The following MORC4 variants were observed in gnomAD, a reference collection of about 807,000 sequenced individuals.
MORC4 encodes the protein MORC family CW-type zinc finger 4.
Under a neutral mutation model 65.5 loss-of-function variants are expected in MORC4, and 22 were observed. The observed-to-expected ratio is 0.34, with a 90% CI of 0.24 to 0.48. MORC4 has a LOEUF of 0.48. Ranked by LOEUF, MORC4 falls within the 20% of genes least tolerant of loss-of-function variation. The probability of loss-of-function intolerance (pLI) is 0.99; values close to 1 mark genes in which losing one functional copy is unlikely to be tolerated. For synonymous variants in MORC4, 267 were observed against 255.8 expected (o/e 1.04, Z -0.42); for missense variants, 624 against 703.0 (o/e 0.89, Z 1.27).
At chrX:106,967,366 G>A (rs912951969) in intron 9 of MORC4, among the ~76,000 whole-genome samples, 3 of 112,182 alleles carry the variant, frequency 2.7e-5, no homozygotes, top group Non-Finnish European at 5.6e-5. Context: ...GGAGAAACCA[G>A]AGCAGAAAGG....
At position 106,942,151 on chromosome X, in the gene MORC4, A is replaced by T. The variant is rs1222056988; in HGVS notation, c.2447T>A (p.Ile816Asn). The stretch of plus-strand genomic sequence containing the variant: ...GCCTTCCGCCTCCTGGGTACTGTAG[A>T]TCACCAATTCATGTTGGACTTTCTT... ...EFKKVQHELV[I>N]YSTQEAEGLY... The change falls in exon 16 of 17, where the codon ATC becomes AAC. Residue 816 changes from isoleucine (I) to asparagine (N), a missense_variant. Physicochemically the swap from Ile to Asn is moderately radical, Grantham distance 149 (BLOSUM62 -3). Transcript: ENST00000355610. 1 of 1,211,093 alleles carries T rather than the reference A, an allele frequency of 8.3e-7. No individual in the cohort carries two copies.
chrX:106,993,307 C>T lies in MORC4; in HGVS notation c.231G>A (p.Glu77=), dbSNP rs1318004787. Reference sequence around the variant, plus strand: ...AGGTCAAACAAGATTTATTCTTGACCTCCTCAACATCTATAAAGACCGTCC... The same window carrying T: ...AGGTCAAACAAGATTTATTCTTGACTTCCTCAACATCTATAAAGACCGTCC... ...SARTVFIDVE[E]VKNKSCLTFT... The change falls in exon 3 of 17, where the codon GAG becomes GAA. Residue 77 remains glutamate, a synonymous_variant. Transcript: ENST00000355610. The T allele has an allele frequency of 3.3e-6, 4 of 1,209,076 alleles. No individual in the cohort carries two copies. The South Asian group carries it at 7.0e-5, about 21-fold the overall frequency.
intron 5 of MORC4, among the ~76,000 whole-genome samples, chrX:106,982,679 C>T (rs933825566): frequency 9.0e-5 from 10 of 111,686 alleles, no homozygotes; most frequent in African/African-American, 2.3e-4. Context: ...AGCTCACTGT[C>T]GCCTCCAACT....
intron 3 of MORC4, among the ~76,000 whole-genome samples, chrX:106,987,863 T>TG (rs1463108021): frequency 0.14 from 254 of 1,851 alleles, 2 homozygotes; most frequent in Non-Finnish European, 0.18. Context: ...AGCAGTCCTT[T>TG]GGGAAAAAAA....
At chrX:106,996,577 T>C (rs1407317371) in intron 2 of MORC4, among the ~76,000 whole-genome samples, 1 of 111,526 alleles carries the variant, frequency 9.0e-6, no homozygotes, top group African/African-American at 3.3e-5. Context: ...TGGCAAGTGC[T>C]ATTGGATCCC....
intron 10 of MORC4, among the ~76,000 whole-genome samples, chrX:106,960,667 C>T (rs1387610397): frequency 2.7e-5 from 3 of 111,960 alleles, no homozygotes; most frequent in Admixed American, 9.4e-5. Context: ...ACCATTATTA[C>T]AGTTCTGCCT....
Position 106,958,229 on chromosome X carries a change from C to G in MORC4, c.1385+107G>C, listed in dbSNP as rs781557703. ...TAAGCTGGGGTCAGTCAGCACAGGG[C>G]CTTGAATGCCAGGCTGAAGGGTGTG... On this transcript the variant is annotated intron_variant, in intron 11 of 16. Coordinates refer to ENST00000355610, the MANE Select transcript of MORC4 (RefSeq NM_024657.5). 8.0e-6 allele frequency: 6 copies of G among 750,031 alleles called. No homozygotes were observed. In the East Asian group the frequency reaches 2.1e-4, roughly 26 times the overall value. The allele number at this position is 750,031 out of a possible 1,213,427, so 61.8% of individuals were successfully genotyped here. A position where few individuals can be genotyped will look rare whatever the true frequency, so the allele number is the denominator to read the frequency against.
At chrX:106,951,970 T>C (rs1602477998) in intron 14 of MORC4, among the ~76,000 whole-genome samples, 1 of 77,442 alleles carries the variant, frequency 1.3e-5, no homozygotes, top group Admixed American at 2.1e-4. Flanking sequence ...CACTCCAGCC[T>C]GGGTGACAGA....
At chrX:106,945,502 A>G (rs770662836) in intron 14 of MORC4, among the ~76,000 whole-genome samples, 19 of 108,185 alleles carry the variant, frequency 1.8e-4, no homozygotes, top group Non-Finnish European at 2.9e-4. Context: ...GTTCCTACAC[A>G]GAAGGGAGCT....
At chrX:106,987,610 T>C (rs765571557) in intron 3 of MORC4, among the ~76,000 whole-genome samples, 1 of 111,759 alleles carries the variant, frequency 8.9e-6, no homozygotes, top group South Asian at 3.7e-4. Context: ...GGTCAGACCA[T>C]GACTGAGCAG....
intron 9 of MORC4, among the ~76,000 whole-genome samples, chrX:106,972,634 C>T (rs148147045): frequency 4.5e-3 from 502 of 111,429 alleles, no homozygotes; most frequent in African/African-American, 0.016. Flanking sequence ...AAGAATGGCA[C>T]GCTAGCATGA....
intron 14 of MORC4, among the ~76,000 whole-genome samples, chrX:106,950,716 A>C (rs771662833): frequency 5.4e-5 from 6 of 111,912 alleles, no homozygotes; most frequent in Middle Eastern, 4.6e-3. Context: ...AGCTTCTACA[A>C]AACAGAACTG....
intron 7 of MORC4, among the ~76,000 whole-genome samples, chrX:106,979,831 G>A (rs1934703340): frequency 9.0e-6 from 1 of 110,665 alleles, no homozygotes; most frequent in Non-Finnish European, 1.9e-5. Flanking sequence ...TTAAACCTAT[G>A]GCACCAACAT....
chrX:106,966,184 A>G (rs762843124), intron 9 of MORC4, among the ~76,000 whole-genome samples: 64 of 112,387 alleles, frequency 5.7e-4, no homozygotes, highest in African/African-American at 2.0e-3. Flanking sequence ...TTAGAGATTC[A>G]CTGTCAGGAA....
intron 8 of MORC4, 120 bp from the exon 9 acceptor site, chrX:106,976,804 C>G (rs1222223361): frequency 6.5e-6 from 3 of 462,369 alleles, no homozygotes; most frequent in Non-Finnish European, 1.1e-5. Flanking sequence ...AAAAGACCAT[C>G]AAGATCTAGA....
At chrX:106,966,261 A>G (rs1308574105) in intron 9 of MORC4, among the ~76,000 whole-genome samples, 1 of 112,506 alleles carries the variant, frequency 8.9e-6, no homozygotes, top group Non-Finnish European at 1.9e-5. Flanking sequence ...CAGAAAATCA[A>G]AAGGTCAGAG....
intron 9 of MORC4, among the ~76,000 whole-genome samples, chrX:106,976,358 T>C (rs1256763918): frequency 8.9e-6 from 1 of 112,261 alleles, no homozygotes. Context: ...CTATGCTCTT[T>C]GCATAATTTC....
intron 14 of MORC4, among the ~76,000 whole-genome samples, chrX:106,954,117 T>C (rs952968073): frequency 1.8e-5 from 2 of 112,587 alleles, no homozygotes; most frequent in Non-Finnish European, 3.8e-5. Flanking sequence ...GAGCGAAACA[T>C]AATAGTCAGA....
At chrX:106,943,550 C>T (rs1166361373) in intron 14 of MORC4, among the ~76,000 whole-genome samples, 2 of 111,857 alleles carry the variant, frequency 1.8e-5, no homozygotes, top group Non-Finnish European at 3.8e-5. Flanking sequence ...AAAACACATA[C>T]CCCAAATCCC....
Sources: gnomAD v4.1 joint callset for allele counts (sites outside exome capture counted in the v4.1 genomes callset) on GRCh38, gnomAD v4.1.1 for gene constraint, MANE v1.5 for transcripts, NCBI Gene and HGNC (gene_info 2026-07-23, HGNC 2026-07-21) for gene names.